Variants in ARHGAP8 observed in about 807,000 individuals in gnomAD.
The protein encoded by ARHGAP8 is Rho GTPase activating protein 8.
Under a neutral mutation model 46.1 loss-of-function variants are expected in ARHGAP8, and 62 were observed. That is an observed-to-expected ratio of 1.34 (90% confidence interval 1.10 to 1.66). The LOEUF is 1.66. ARHGAP8 is among the 40% of genes most tolerant of loss of function. ARHGAP8 has a pLI of 0.00. For missense variants in ARHGAP8, 923 were observed against 568.4 expected (o/e 1.62, Z -6.34); for synonymous variants, 375 against 243.1 (o/e 1.54, Z -5.05).
At chr22:44,830,146 C>G (rs1296194497) in intron 7 of ARHGAP8, among the ~76,000 whole-genome samples, 2 of 151,618 alleles carry the variant, frequency 1.3e-5, no homozygotes, top group Non-Finnish European at 2.9e-5. Flanking sequence ...GTCTCAGCCT[C>G]CCGAGTAGCT....
chr22:44,859,365 C>T (rs757197823), intron 10 of ARHGAP8, among the ~76,000 whole-genome samples: 54 of 152,230 alleles, frequency 3.5e-4, no homozygotes, highest in Admixed American at 1.7e-3. Flanking sequence ...GTCCCACTCT[C>T]TCTTGCTCCT....
chr22:44,755,603 C>A (rs1924607097), intron 1 of ARHGAP8, among the ~76,000 whole-genome samples: 2 of 152,176 alleles, frequency 1.3e-5, no homozygotes, highest in South Asian at 4.1e-4. Flanking sequence ...GCCCCAGCTG[C>A]CTTCACAGGG....
At chr22:44,778,830 C>T (rs1926610707) in intron 1 of ARHGAP8, among the ~76,000 whole-genome samples, 1 of 152,154 alleles carries the variant, frequency 6.6e-6, no homozygotes, top group African/African-American at 2.4e-5. Flanking sequence ...TTTCTGCCCC[C>T]AGTTCTAATG....
intron 5 of ARHGAP8, among the ~76,000 whole-genome samples, chr22:44,821,562 T>G (rs1299498611): frequency 6.6e-6 from 1 of 152,214 alleles, no homozygotes; most frequent in Non-Finnish European, 1.5e-5. Flanking sequence ...GATTACAGGC[T>G]TCTTATAAAG....
chr22:44,809,623 TC>T, intron 4 of ARHGAP8: 6 of 178,006 alleles, frequency 3.4e-5, no homozygotes, highest in Admixed American at 5.9e-5. Flanking sequence ...CGCCTCCCTC[TC>T]CCACCCAACG....
chr22:44,790,148 C>T (rs1602178713), intron 2 of ARHGAP8, among the ~76,000 whole-genome samples: 1 of 152,066 alleles, frequency 6.6e-6, no homozygotes, highest in Non-Finnish European at 1.5e-5. Flanking sequence ...TTAGAAGTCT[C>T]TGGGGTTGGA....
At chr22:44,803,098 G>A (rs181045157) in intron 3 of ARHGAP8, among the ~76,000 whole-genome samples, 1 of 152,268 alleles carries the variant, frequency 6.6e-6, no homozygotes, top group African/African-American at 2.4e-5. Context: ...GCCCACCTGT[G>A]AACTGAGGAA....
At chr22:44,788,963 G>T (rs1173654196) in intron 2 of ARHGAP8, among the ~76,000 whole-genome samples, 1 of 152,144 alleles carries the variant, frequency 6.6e-6, no homozygotes, top group Non-Finnish European at 1.5e-5. Flanking sequence ...ATGTATTTCA[G>T]TTAGGTTAAG....
chr22:44,787,943 C>CTTTTTTTT (rs1312732228), intron 2 of ARHGAP8, among the ~76,000 whole-genome samples: 4 of 126,860 alleles, frequency 3.2e-5, no homozygotes, highest in Admixed American at 8.0e-5. Flanking sequence ...TTTTTTTTCC[C>CTTTTTTTT]CCCAAATGTC....
At chr22:44,756,444 G>C (rs1924678947) in intron 1 of ARHGAP8, among the ~76,000 whole-genome samples, 2 of 152,084 alleles carry the variant, frequency 1.3e-5, no homozygotes, top group Non-Finnish European at 2.9e-5. Flanking sequence ...TTGTATAAGA[G>C]GGTTTATTTT....
chr22:44,758,456 G>T (rs1021511748), intron 1 of ARHGAP8, among the ~76,000 whole-genome samples: 4 of 152,218 alleles, frequency 2.6e-5, no homozygotes, highest in African/African-American at 9.7e-5. Flanking sequence ...AAGGCTGGGT[G>T]TATGGGGGCT....
At chr22:44,775,289 A>G (rs1413039901) in intron 1 of ARHGAP8, among the ~76,000 whole-genome samples, 1 of 152,172 alleles carries the variant, frequency 6.6e-6, no homozygotes, top group African/African-American at 2.4e-5. Context: ...GTCAGCAGAG[A>G]TGGCGAGAGT....
At chr22:44,769,998 C>T (rs9614911) in intron 1 of ARHGAP8, among the ~76,000 whole-genome samples, 38,616 of 152,126 alleles carry the variant, frequency 0.25, 5,413 homozygotes, top group Non-Finnish European at 0.32. Context: ...GTAATGCCAG[C>T]ACTTTGGGAG....
chr22:44,764,741 T>A (rs1411152573), intron 1 of ARHGAP8, among the ~76,000 whole-genome samples: 1 of 152,238 alleles, frequency 6.6e-6, no homozygotes, highest in Non-Finnish European at 1.5e-5. Flanking sequence ...AAGAGAAACC[T>A]GAGTGTGCGG....
Position 44,808,434 on chromosome 22 carries a change from A to G in ARHGAP8, c.295A>G (p.Arg99Gly). 1 of 1,614,000 alleles carries G rather than the reference A, an allele frequency of 6.2e-7. No homozygotes were observed. The highest frequency in any genetic ancestry group is 8.5e-7 in the Non-Finnish European group (1 of 1,179,962). Reference sequence around the variant, plus strand: ...CCAGAGCGCATACAAGGAGTTCGATAGGAAGTACGTGCCCGCAAGCCTTCA... The same window carrying G: ...CCAGAGCGCATACAAGGAGTTCGATGGGAAGTACGTGCCCGCAAGCCTTCA... ...WLQSAYKEFDRKYKKNLKALY... is the reference protein window; with the variant it reads ...WLQSAYKEFDGKYKKNLKALY... Residue 99 changes from arginine to glycine, a missense_variant, in exon 4 of 12, where the codon AGG becomes GGG. Coordinates refer to ENST00000356099, the MANE Select transcript of ARHGAP8 (RefSeq NM_181335.3).
At chr22:44,852,403 C>T (rs5765056) in intron 10 of ARHGAP8, among the ~76,000 whole-genome samples, 7,588 of 152,142 alleles carry the variant, frequency 0.05, 438 homozygotes, top group East Asian at 0.31. Flanking sequence ...TTATGATCTG[C>T]TACACAGAAG....
chr22:44,859,764 G>T lies in ARHGAP8; in HGVS notation c.911G>T (p.Arg304Leu), dbSNP rs78823624. ...VESSLRVTGC[R>L]QILRSLPEHN... ...AGCAGCCTGCGTGTCACTGGCTGCC[G>T]CCAGATCTTACGGAGCCTCCCAGAG... is the stretch of plus-strand genomic sequence containing the variant. Residue 304 changes from arginine (R) to leucine (L), a missense_variant, in exon 11 of 12, where the codon CGC becomes CTC. By Grantham distance (102) the Arg-to-Leu change is moderately radical. Transcript: ENST00000356099. 292 of 1,613,958 alleles carry T rather than the reference G, an allele frequency of 1.8e-4. No homozygotes were observed. The highest frequency in any genetic ancestry group is 2.4e-4 in the Non-Finnish European group (281 of 1,180,024).
At chr22:44,858,375 T>C (rs1445995308) in intron 10 of ARHGAP8, among the ~76,000 whole-genome samples, 1 of 151,598 alleles carries the variant, frequency 6.6e-6, no homozygotes, top group African/African-American at 2.4e-5. Context: ...GGTGGTTTTT[T>C]TTTTTTTTTG....
chr22:44,821,816 C>T (rs73892304), intron 5 of ARHGAP8, among the ~76,000 whole-genome samples: 3,430 of 152,332 alleles, frequency 0.023, 124 homozygotes, highest in African/African-American at 0.079. Context: ...GTTGCTGCAC[C>T]TGGTCAGGGC....
Sources: allele counts gnomAD v4.1 joint callset (sites outside exome capture counted in the v4.1 genomes callset), GRCh38; gene constraint gnomAD v4.1.1; transcripts MANE v1.5; gene names NCBI Gene and HGNC (gene_info 2026-07-23, HGNC 2026-07-21).